Variants in NLGN1 observed in about 807,000 individuals in gnomAD.
NLGN1 encodes the protein neuroligin 1.
In NLGN1, 12 loss-of-function variants were observed where a neutral mutation model predicts 65.5. The ratio of observed to expected loss-of-function variants is 0.18; its 90% CI spans 0.12 to 0.30. The LOEUF (loss-of-function observed/expected upper bound fraction) is 0.30. Among genes scored for constraint, NLGN1 ranks in the 10% least tolerant of loss-of-function variants. The probability of loss-of-function intolerance (pLI) is 1.00; values close to 1 mark genes in which losing one functional copy is unlikely to be tolerated. For synonymous variants in NLGN1, 350 were observed against 359.5 expected (o/e 0.97, Z 0.30); for missense variants, 750 against 1,007.1 (o/e 0.74, Z 3.46).
intron 4 of NLGN1, among the ~76,000 whole-genome samples, chr3:174,146,121 CT>C (rs1246180038): frequency 2.0e-5 from 3 of 148,258 alleles, no homozygotes; most frequent in African/African-American, 7.6e-5. Context: ...TCCTTCCTTC[CT>C]TCCTTCCTTC....
chr3:173,698,452 A>G (rs1033476203), intron 3 of NLGN1, among the ~76,000 whole-genome samples: 10 of 152,186 alleles, frequency 6.6e-5, no homozygotes, highest in Admixed American at 1.3e-4. Flanking sequence ...TGATGCATTT[A>G]TGCGCCTTCT....
At chr3:174,050,548 T>C (rs187824746) in intron 4 of NLGN1, among the ~76,000 whole-genome samples, 132 of 152,072 alleles carry the variant, frequency 8.7e-4, no homozygotes, top group Non-Finnish European at 1.6e-3. Context: ...AAAAAGAAAA[T>C]AGTACATCGC....
At chr3:173,555,591 C>T (rs889276469) in intron 2 of NLGN1, among the ~76,000 whole-genome samples, 2 of 152,118 alleles carry the variant, frequency 1.3e-5, no homozygotes, top group Non-Finnish European at 2.9e-5. Flanking sequence ...GGTATTCCTC[C>T]TACTCAGCCT....
chr3:173,725,798 T>G (rs1771665608), intron 3 of NLGN1, among the ~76,000 whole-genome samples: 1 of 152,120 alleles, frequency 6.6e-6, no homozygotes, highest in African/African-American at 2.4e-5. Context: ...CACTTCAAAC[T>G]GCCTCAGGTT....
intron 4 of NLGN1, among the ~76,000 whole-genome samples, chr3:174,166,324 C>A (rs148521715): frequency 6.6e-6 from 1 of 151,992 alleles, no homozygotes; most frequent in African/African-American, 2.4e-5. Flanking sequence ...TTGAGATAGG[C>A]GTTTAGCACT....
At chr3:174,217,522 T>A (rs1037092640) in intron 4 of NLGN1, among the ~76,000 whole-genome samples, 11 of 152,032 alleles carry the variant, frequency 7.2e-5, no homozygotes, top group African/African-American at 2.7e-4. Flanking sequence ...GACTACTGAC[T>A]TATTGTATCC....
intron 4 of NLGN1, among the ~76,000 whole-genome samples, chr3:174,014,943 C>T (rs934744894): frequency 6.6e-6 from 1 of 152,146 alleles, no homozygotes; most frequent in Admixed American, 6.6e-5. Flanking sequence ...ATTTTCAAGT[C>T]CACCTGAGTG....
chr3:173,886,010 T>A (rs77602747), intron 4 of NLGN1, among the ~76,000 whole-genome samples: 167 of 152,288 alleles, frequency 1.1e-3, no homozygotes, highest in African/African-American at 3.9e-3. Flanking sequence ...TAGGGATGTT[T>A]GTTTCAACAT....
intron 2 of NLGN1, among the ~76,000 whole-genome samples, chr3:173,477,487 T>C (rs9832391): frequency 0.011 from 1,604 of 152,090 alleles, 30 homozygotes; most frequent in African/African-American, 0.037. Context: ...GAGGCTACAG[T>C]GAACTATGAT....
chr3:173,585,069 C>T (rs1449731623), intron 2 of NLGN1: 7 of 152,158 alleles, frequency 4.6e-5, no homozygotes, highest in African/African-American at 1.7e-4. Flanking sequence ...GAGGGGGCTG[C>T]CAGGGTTTTG....
chr3:174,194,862 C>CTTTTTTT (rs371935591), intron 4 of NLGN1, among the ~76,000 whole-genome samples: 4 of 127,644 alleles, frequency 3.1e-5, no homozygotes, highest in African/African-American at 8.9e-5. Flanking sequence ...TTTCTTTTTT[C>CTTTTTTT]TTTTTTCTTT....
intron 4 of NLGN1, among the ~76,000 whole-genome samples, chr3:174,071,124 C>T (rs1412289914): frequency 2.6e-5 from 4 of 151,974 alleles, no homozygotes; most frequent in Non-Finnish European, 4.4e-5. Context: ...TGAAAATTTA[C>T]GTAGGAAAAC....
At chr3:173,763,631 GATTC>G (rs1423009818) in intron 3 of NLGN1, among the ~76,000 whole-genome samples, 1 of 151,966 alleles carries the variant, frequency 6.6e-6, no homozygotes, top group African/African-American at 2.4e-5. Context: ...CAGAGTTTGA[GATTC>G]ATTAGCTGAA....
Position 174,234,216 on chromosome 3 carries a change from T to A in NLGN1, c.647-41099T>A, listed in dbSNP as rs141022580. 1.5e-3 allele frequency among the ~76,000 whole-genome samples: 228 copies of A among 152,172 alleles called. 1 individual carries two copies. The Middle Eastern group carries it at 0.017, about 11-fold the overall frequency. ...GTTTTGGAGGAGGATCAAAAGGAAG[T>A]TAGGGTACACTTGGAAGCAGGGTAC... On this transcript the variant is annotated intron_variant, in intron 4 of 6. Transcript: ENST00000457714.
intron 4 of NLGN1, among the ~76,000 whole-genome samples, chr3:174,137,918 A>G (rs1020103858): frequency 2.0e-5 from 3 of 152,154 alleles, no homozygotes; most frequent in Admixed American, 2.0e-4. Context: ...GAAATCATTT[A>G]TCTGGTAACA....
intron 4 of NLGN1, among the ~76,000 whole-genome samples, chr3:173,861,615 T>G (rs147797167): frequency 6.6e-6 from 1 of 151,294 alleles, no homozygotes; most frequent in Admixed American, 6.6e-5. Flanking sequence ...TATATACATA[T>G]AATTACAACT....
intron 3 of NLGN1, among the ~76,000 whole-genome samples, chr3:173,716,792 T>G (rs185895225): frequency 2.6e-5 from 4 of 152,222 alleles, no homozygotes; most frequent in African/African-American, 9.6e-5. Flanking sequence ...TAATTAGGAT[T>G]TTTCCCTTCT....
chr3:173,768,002 T>C (rs908024392), intron 3 of NLGN1, among the ~76,000 whole-genome samples: 10 of 152,250 alleles, frequency 6.6e-5, no homozygotes, highest in African/African-American at 2.4e-4. Context: ...TCATTTTATT[T>C]TAACATTAAG....
intron 4 of NLGN1, among the ~76,000 whole-genome samples, chr3:173,812,982 T>C (rs1718283272): frequency 6.6e-6 from 1 of 151,046 alleles, no homozygotes; most frequent in African/African-American, 2.4e-5. Context: ...CTACTTTATA[T>C]TTATAATATA....
Sources: allele counts gnomAD v4.1 joint callset (sites outside exome capture counted in the v4.1 genomes callset), GRCh38; gene constraint gnomAD v4.1.1; transcripts MANE v1.5; gene names NCBI Gene and HGNC (gene_info 2026-07-23, HGNC 2026-07-21).